Variants in PTPRT observed in about 807,000 individuals in gnomAD.
The protein encoded by PTPRT is receptor-type tyrosine-protein phosphatase T.
In PTPRT, 56 loss-of-function variants were observed where a neutral mutation model predicts 176.8. The ratio of observed to expected loss-of-function variants is 0.32; its 90% CI spans 0.26 to 0.40. PTPRT has a LOEUF of 0.40. Ranked by LOEUF, PTPRT falls within the 10% of genes least tolerant of loss-of-function variation. The pLI is 1.00. For synonymous variants in PTPRT, 783 were observed against 739.0 expected, an observed-to-expected ratio of 1.06 and a Z score of -0.96; for missense variants, 1,540 against 1,908.2, an observed-to-expected ratio of 0.81 and a Z score of 3.60.
At chr20:42,413,635 C>T (rs2059037494) in intron 9 of PTPRT, among the ~76,000 whole-genome samples, 1 of 152,142 alleles carries the variant, frequency 6.6e-6, no homozygotes. Context: ...AGAAAATGTG[C>T]ATTCATGCAT....
intron 9 of PTPRT, among the ~76,000 whole-genome samples, chr20:42,396,516 A>T (rs2058850951): frequency 6.6e-6 from 1 of 152,108 alleles, no homozygotes; most frequent in South Asian, 2.1e-4. Flanking sequence ...TATTCCAACC[A>T]CACTGGCTTG....
intron 1 of PTPRT, among the ~76,000 whole-genome samples, chr20:42,986,494 G>C (rs1983587132): frequency 6.6e-6 from 1 of 152,186 alleles, no homozygotes; most frequent in African/African-American, 2.4e-5. Flanking sequence ...TCCAACTCCA[G>C]CATTCCCCTT....
intron 1 of PTPRT, among the ~76,000 whole-genome samples, chr20:42,929,761 G>T (rs994444288): frequency 6.6e-6 from 1 of 152,230 alleles, no homozygotes; most frequent in Non-Finnish European, 1.5e-5. Context: ...TTGGTCTGAT[G>T]TTTGTAGGAA....
At chr20:42,942,471 C>T (rs1478256477) in intron 1 of PTPRT, among the ~76,000 whole-genome samples, 1 of 152,342 alleles carries the variant, frequency 6.6e-6, no homozygotes, top group East Asian at 1.9e-4. Flanking sequence ...CGTGTTCTTA[C>T]TACACTTCAC....
chr20:42,113,084 T>A (rs1987090191), intron 22 of PTPRT, among the ~76,000 whole-genome samples: 1 of 152,176 alleles, frequency 6.6e-6, no homozygotes, highest in Non-Finnish European at 1.5e-5. Context: ...GAACCGATTT[T>A]GAGCTAAAAT....
intron 1 of PTPRT, among the ~76,000 whole-genome samples, chr20:42,941,562 C>T (rs1980553650): frequency 6.6e-6 from 1 of 152,134 alleles, no homozygotes. Flanking sequence ...CTTTTCATTC[C>T]TCTGACTCCT....
At chr20:42,396,022 C>A (rs1465419878) in intron 9 of PTPRT, among the ~76,000 whole-genome samples, 1 of 152,142 alleles carries the variant, frequency 6.6e-6, no homozygotes, top group Non-Finnish European at 1.5e-5. Context: ...CCGTCCTCTA[C>A]TTCTCCCCTG....
At chr20:43,041,656 A>G (rs1270840504) in intron 1 of PTPRT, among the ~76,000 whole-genome samples, 2 of 152,134 alleles carry the variant, frequency 1.3e-5, no homozygotes, top group African/African-American at 4.8e-5. Context: ...AACCTATCCA[A>G]CCTATGGTGA....
chr20:42,257,223 C>A (rs2056657501), intron 13 of PTPRT, among the ~76,000 whole-genome samples: 1 of 152,162 alleles, frequency 6.6e-6, no homozygotes, highest in South Asian at 2.1e-4. Context: ...TGATTTTAGC[C>A]AAGTCAAGGC....
intron 2 of PTPRT, among the ~76,000 whole-genome samples, chr20:42,863,648 G>A (rs750645873): frequency 2.0e-5 from 3 of 152,130 alleles, no homozygotes; most frequent in African/African-American, 4.8e-5. Context: ...CAGTGGTCGT[G>A]AGCTCCTCAT....
chr20:42,110,830 T>TTGAG (rs1183151454), intron 22 of PTPRT, among the ~76,000 whole-genome samples: 1 of 152,144 alleles, frequency 6.6e-6, no homozygotes, highest in Non-Finnish European at 1.5e-5. Flanking sequence ...AGGAGGTGTA[T>TTGAG]TGAGTACGGA....
intron 1 of PTPRT, among the ~76,000 whole-genome samples, chr20:42,892,149 G>A (rs989630677): frequency 2.0e-5 from 3 of 152,186 alleles, no homozygotes; most frequent in Non-Finnish European, 2.9e-5. Context: ...CTTACCCAGC[G>A]AGGGAAAAAC....
intron 11 of PTPRT, among the ~76,000 whole-genome samples, chr20:42,341,297 C>A (rs2058107514): frequency 1.3e-5 from 2 of 152,116 alleles, no homozygotes; most frequent in South Asian, 4.2e-4. Context: ...ACCAGATGGT[C>A]CATTTTCCAG....
chr20:42,276,309 G>C (rs2057028667), intron 13 of PTPRT, among the ~76,000 whole-genome samples: 1 of 150,770 alleles, frequency 6.6e-6, no homozygotes, highest in Non-Finnish European at 1.5e-5. Flanking sequence ...TCCCCTCTGG[G>C]TTTCTTCACT....
At chr20:42,134,397 T>C (rs2146385134) in intron 18 of PTPRT, among the ~76,000 whole-genome samples, 1 of 152,192 alleles carries the variant, frequency 6.6e-6, no homozygotes, top group South Asian at 2.1e-4. Context: ...AACTCCTCAA[T>C]GAGGCGAGGG....
At position 42,666,996 on chromosome 20, in the gene PTPRT, A is replaced by G. The variant is rs574193086; in HGVS notation, c.1153+10870T>C. Among the ~76,000 whole-genome samples the G allele has an allele frequency of 7.9e-5, 12 of 152,350 alleles. No homozygotes were observed. In the East Asian group the frequency reaches 2.3e-3, roughly 29 times the overall value. On this transcript the variant is annotated intron_variant, in intron 7 of 30. Coordinates refer to ENST00000373187, the MANE Select transcript of PTPRT (RefSeq NM_007050.6). Reference sequence around the variant, plus strand: ...GAAGGTGCCTTTCCATTTCTAGCTTACTAAGAATTCTGATCAGTAATGAAG... The same window carrying G: ...GAAGGTGCCTTTCCATTTCTAGCTTGCTAAGAATTCTGATCAGTAATGAAG...
chr20:42,754,299 C>A (rs1055800455), intron 6 of PTPRT, among the ~76,000 whole-genome samples: 33 of 152,204 alleles, frequency 2.2e-4, no homozygotes, highest in African/African-American at 7.5e-4. Flanking sequence ...GATTCTCCTG[C>A]CTCAACCTCC....
At chr20:42,406,809 G>A (rs1273318276) in intron 9 of PTPRT, among the ~76,000 whole-genome samples, 1 of 152,122 alleles carries the variant, frequency 6.6e-6, no homozygotes, top group Non-Finnish European at 1.5e-5. Context: ...TCTAAGCATG[G>A]CTCATCATCA....
intron 1 of PTPRT, among the ~76,000 whole-genome samples, chr20:42,893,817 C>T (rs867353837): frequency 2.7e-5 from 4 of 149,930 alleles, no homozygotes; most frequent in Non-Finnish European, 5.9e-5. Context: ...ACAATGAGAA[C>T]ACATGGACAC....
Sources: gnomAD v4.1 joint callset for allele counts (sites outside exome capture counted in the v4.1 genomes callset) on GRCh38, gnomAD v4.1.1 for gene constraint, MANE v1.5 for transcripts, NCBI Gene and HGNC (gene_info 2026-07-23, HGNC 2026-07-21) for gene names.